The following TMEM209 variants were observed in gnomAD, a reference collection of about 807,000 sequenced individuals.
The protein encoded by TMEM209 is transmembrane protein 209.
Under a neutral mutation model 76.2 loss-of-function variants are expected in TMEM209, and 65 were observed. The observed-to-expected ratio is 0.85, with a 90% CI of 0.70 to 1.05. The LOEUF (loss-of-function observed/expected upper bound fraction) is 1.05. Ranked by LOEUF, TMEM209 falls within the 50% of genes least tolerant of loss-of-function variation. The pLI, the probability that TMEM209 is intolerant of heterozygous loss-of-function variation, is 0.00. For synonymous variants in TMEM209, 239 were observed against 237.6 expected (o/e 1.01, Z -0.06); for missense variants, 623 against 685.5 (o/e 0.91, Z 1.02).
At position 130,178,451 on chromosome 7, in the gene TMEM209, C is replaced by T; in HGVS notation, c.1197G>A (p.Gln399=). 1 of 1,613,694 alleles carries T rather than the reference C, an allele frequency of 6.2e-7. No individual in the cohort carries two copies. Among genetic ancestry groups the T allele is most frequent in the Non-Finnish European group, 8.5e-7 (1 of 1,179,758 alleles). The stretch of plus-strand genomic sequence containing the variant: ...CCTGATTTGGAGTAAGGTCTAGATA[C>T]TGAACGATTGTGTTCAAAGTCGGAA... ...PLIPTLNTIV[Q]YLDLTPNQEY... Residue 399 remains glutamine, a synonymous_variant, in exon 10 of 15, where the codon CAG becomes CAA. Coordinates refer to ENST00000397622, the MANE Select transcript of TMEM209 (RefSeq NM_032842.4).
At chr7:130,176,934 C>T (rs1376098362) in intron 10 of TMEM209, among the ~76,000 whole-genome samples, 2 of 150,988 alleles carry the variant, frequency 1.3e-5, no homozygotes, top group African/African-American at 4.9e-5. Flanking sequence ...GGGAGGATTG[C>T]CATAGCCAGG....
chr7:130,166,328 A>G lies in TMEM209; in HGVS notation c.*123T>C. On this transcript the variant is annotated 3_prime_UTR_variant, in exon 15 of 15. Transcript: ENST00000397622. ...AACAGCTACATTTTCTGTTAAATCT[A>G]AAGAGTCTGTAACATACACCCATGT... 1.6e-6 allele frequency: 1 copy of G among 607,480 alleles called. No homozygotes were observed. The highest frequency in any genetic ancestry group is 2.6e-6 in the Non-Finnish European group (1 of 388,244). The allele number at this position is 607,480 out of a possible 1,614,324, so 37.6% of individuals were successfully genotyped here.
rs1415977293 is a variant in TMEM209, at chr7:130,202,660, A to C, written c.203T>G (p.Leu68Arg). ...VTYWPLWYIE[L>R]ALASLFSLNA... ...AAGGCTGAAGAGAGATGCAAGGGCA[A>C]GCTCTGGAAGAGAACAATTTTTTTT... is the stretch of plus-strand genomic sequence containing the variant. The change falls in exon 4 of 15, where the codon CTT (leucine) becomes CGT (arginine). Residue 68 changes from leucine to arginine, a missense_variant. Coordinates refer to ENST00000397622, the MANE Select transcript of TMEM209 (RefSeq NM_032842.4). 1 of 1,609,400 alleles carries C rather than the reference A, an allele frequency of 6.2e-7. No individual in the cohort carries two copies. Among genetic ancestry groups the C allele is most frequent in the Non-Finnish European group, 8.5e-7 (1 of 1,178,570 alleles).
At chr7:130,177,896 T>A (rs1370180503) in intron 10 of TMEM209, among the ~76,000 whole-genome samples, 1 of 152,156 alleles carries the variant, frequency 6.6e-6, no homozygotes, top group African/African-American at 2.4e-5. Flanking sequence ...TTCTAAAACT[T>A]GTCTTAGTGA....
At position 130,192,605 on chromosome 7, in the gene TMEM209, C is replaced by T. The variant is rs1223759038; in HGVS notation, c.775+17G>A. The T allele has an allele frequency of 3.7e-6, 6 of 1,608,160 alleles. No individual in the cohort carries two copies. The highest frequency in any genetic ancestry group is 5.1e-6 in the Non-Finnish European group (6 of 1,175,844). ...ACCAAAAATATGTATAGTAGATATA[C>T]AGAAATATATATGTACCCAGCTTAA... On this transcript the variant is annotated intron_variant, in intron 6 of 14. Transcript: ENST00000397622.
intron 10 of TMEM209, among the ~76,000 whole-genome samples, chr7:130,176,144 G>A (rs976844497): frequency 2.1e-5 from 3 of 143,824 alleles, no homozygotes; most frequent in East Asian, 2.0e-4. Context: ...ACAGAGTCTC[G>A]CTCTGTCACC....
At chr7:130,184,769 C>T (rs1008802172) in intron 7 of TMEM209, among the ~76,000 whole-genome samples, 4 of 152,246 alleles carry the variant, frequency 2.6e-5, no homozygotes, top group South Asian at 2.1e-4. Context: ...GGATTACAGG[C>T]GTGAGCCACT....
At position 130,173,866 on chromosome 7, in the gene TMEM209, G is replaced by A; in HGVS notation, c.1418C>T (p.Thr473Ile). ...CTGAACAAAGTGCTGAGAAGTAAAA[G>A]TTTTTCCGTCGGGATACTTCGGATG... ...PPHPKYPDGK[T>I]FTSQHFVQTP... Residue 473 changes from threonine to isoleucine, a missense_variant, in exon 12 of 15, where the codon ACT (threonine) becomes ATT (isoleucine). Coordinates refer to ENST00000397622, the MANE Select transcript of TMEM209 (RefSeq NM_032842.4). 3.1e-6 allele frequency: 5 copies of A among 1,613,906 alleles called. No homozygotes were observed. Among genetic ancestry groups the A allele is most frequent in the Non-Finnish European group, 4.2e-6 (5 of 1,179,814 alleles).
At chr7:130,188,740 C>A (rs1188739633) in intron 6 of TMEM209, among the ~76,000 whole-genome samples, 2 of 152,004 alleles carry the variant, frequency 1.3e-5, no homozygotes, top group Admixed American at 6.6e-5. Flanking sequence ...ATGAAGAAAT[C>A]CAGTTGCTAT....
chr7:130,181,510 T>A (rs1309270236), intron 9 of TMEM209, 113 bp downstream of exon 9: 2 of 795,572 alleles, frequency 2.5e-6, no homozygotes, highest in Non-Finnish European at 2.1e-6. Flanking sequence ...TTATAGACAT[T>A]TGGGGTTTTT....
chr7:130,202,204 T>C, intron 4 of TMEM209, 113 bp from the exon 5 acceptor site: 1 of 1,334,390 alleles, frequency 7.5e-7, no homozygotes, highest in South Asian at 1.5e-5. Context: ...ACAGAGTTAC[T>C]TGGTTGTTAA....
At chr7:130,192,332 CT>C in intron 6 of TMEM209, 1 of 367,132 alleles carries the variant, frequency 2.7e-6, no homozygotes, top group Non-Finnish European at 5.1e-6. Flanking sequence ...CTACGCACTG[CT>C]TCAAAACATT....
In TMEM209 at chr7:130,178,559, A is replaced by T. The variant is rs1170363667; in HGVS notation, c.1121-32T>A. On this transcript the variant is annotated intron_variant, in intron 9 of 14. Transcript: ENST00000397622. ...ACATAAAACACAGAGAACACTGATT[A>T]TTCTAAAAGTGAGTTTCCAAAAGAA... is the stretch of plus-strand genomic sequence containing the variant. The T allele has an allele frequency of 1.9e-6, 3 of 1,609,148 alleles. No individual in the cohort carries two copies. The Admixed American group carries it at 5.0e-5, about 27-fold the overall frequency.
chr7:130,192,048 G>A (rs1584688091), intron 6 of TMEM209, among the ~76,000 whole-genome samples: 1 of 152,030 alleles, frequency 6.6e-6, no homozygotes, highest in African/African-American at 2.4e-5. Flanking sequence ...TCCTGACGGG[G>A]GAAAAATCAT....
At chr7:130,202,808 G>T in intron 3 of TMEM209, 145 bp from the exon 4 acceptor site, 1 of 987,016 alleles carries the variant, frequency 1.0e-6, no homozygotes, top group Non-Finnish European at 1.4e-6. Flanking sequence ...GTGTAGGGTG[G>T]CTGGGCATGG....
intron 1 of TMEM209, 150 bp downstream of exon 1, chr7:130,205,223 C>T: frequency 6.3e-7 from 1 of 1,591,538 alleles, no homozygotes; most frequent in Non-Finnish European, 8.5e-7. Context: ...TTCAGCAACC[C>T]TATTGCTTCT....
In TMEM209 at chr7:130,201,995, C is replaced by T. The variant is rs770339414; in HGVS notation, c.428G>A (p.Ser143Asn). Residue 143 changes from serine (S) to asparagine (N), a missense_variant, in exon 5 of 15, where the codon AGC becomes AAC. Coordinates refer to ENST00000397622, the MANE Select transcript of TMEM209 (RefSeq NM_032842.4). ...ACTGGTACTGGGCGAACGAGAAGGG[C>T]TATAACTCAACACACTCTGACCCTG... ...SIQGQSVLSY[S>N]PSRSPSTSPK... The T allele has an allele frequency of 1.2e-6, 2 of 1,613,786 alleles. No individual in the cohort carries two copies. Among genetic ancestry groups the T allele is most frequent in the South Asian group, 2.2e-5 (2 of 91,070 alleles).
intron 1 of TMEM209, 76 bp downstream of exon 1, chr7:130,205,297 G>C: frequency 6.2e-7 from 1 of 1,613,314 alleles, no homozygotes; most frequent in South Asian, 1.1e-5. Context: ...ACCCAGGACA[G>C]ATCAGCAGGC....
At chr7:130,172,412 G>A (rs1035009565) in intron 13 of TMEM209, among the ~76,000 whole-genome samples, 4 of 151,704 alleles carry the variant, frequency 2.6e-5, no homozygotes, top group Non-Finnish European at 4.4e-5. Context: ...GCGTGATCTC[G>A]GCTCACTGCA....
Sources: gnomAD v4.1 joint callset for allele counts (sites outside exome capture counted in the v4.1 genomes callset) on GRCh38, gnomAD v4.1.1 for gene constraint, MANE v1.5 for transcripts, NCBI Gene and HGNC (gene_info 2026-07-23, HGNC 2026-07-21) for gene names.